Variants in REDIC1 observed in about 807,000 individuals in gnomAD.
The protein encoded by REDIC1 is HEI10 Interacting Protein 1.
chr12:39,667,107 A>G, the REDIC1 span, among the ~76,000 whole-genome samples: 1 of 152,090 alleles, frequency 6.6e-6, no homozygotes, highest in Non-Finnish European at 1.5e-5. Flanking sequence ...GCCTTCTGCT[A>G]GCTTTTGAAT....
the REDIC1 span, among the ~76,000 whole-genome samples, chr12:39,722,833 T>A: frequency 2.0e-5 from 3 of 152,170 alleles, no homozygotes; most frequent in Admixed American, 1.3e-4. Context: ...TACTCTTGGC[T>A]TCTGGGAGGT....
At chr12:39,701,113 AATGCTCC>A in the REDIC1 span, among the ~76,000 whole-genome samples, 1 of 13,756 alleles carries the variant, frequency 7.3e-5, no homozygotes. Flanking sequence ...AAATGGACTA[AATGCTCC>A]AATTAAAAGA....
At chr12:39,647,745 G>T in the REDIC1 span, 3 of 1,277,174 alleles carry the variant, frequency 2.3e-6, no homozygotes, top group South Asian at 1.8e-5. Flanking sequence ...CTCTTCTCTA[G>T]TTTATATATT....
At chr12:39,849,567 A>G in the REDIC1 span, among the ~76,000 whole-genome samples, 2 of 152,276 alleles carry the variant, frequency 1.3e-5, no homozygotes, top group South Asian at 4.1e-4. Context: ...CTGAGGTGGT[A>G]AATTGTTCCT....
chr12:39,643,651 T>G, the REDIC1 span: 1 of 694,440 alleles, frequency 1.4e-6, no homozygotes, highest in Non-Finnish European at 2.3e-6. Flanking sequence ...TTTATAAACA[T>G]ATAAAGATGT....
the REDIC1 span, among the ~76,000 whole-genome samples, chr12:39,671,016 CT>C: frequency 6.6e-6 from 1 of 151,912 alleles, no homozygotes; most frequent in Non-Finnish European, 1.5e-5. Context: ...ATTTCGAATT[CT>C]TTTTCAGGTA....
the REDIC1 span, among the ~76,000 whole-genome samples, chr12:39,846,841 C>A: frequency 6.6e-6 from 1 of 151,736 alleles, no homozygotes; most frequent in Non-Finnish European, 1.5e-5. Context: ...AAAAGAGAAT[C>A]CATGCAAAGC....
At chr12:39,653,573 T>TCTTCTTCTTCTTCTTCTTC in the REDIC1 span, among the ~76,000 whole-genome samples, 1 of 63,524 alleles carries the variant, frequency 1.6e-5, no homozygotes. Context: ...TCTTCTTCTT[T>TCTTCTTCTTCTTCTTCTTC]TTCTTCCTCT....
chr12:39,854,233 TA>T, the REDIC1 span, among the ~76,000 whole-genome samples: 1 of 152,136 alleles, frequency 6.6e-6, no homozygotes, highest in African/African-American at 2.4e-5. Context: ...TTCTTATCTG[TA>T]AAATTGGATA....
chr12:39,712,508 T>G, the REDIC1 span, among the ~76,000 whole-genome samples: 78 of 143,120 alleles, frequency 5.4e-4, no homozygotes, highest in Non-Finnish European at 9.1e-4. Flanking sequence ...TATATACGTA[T>G]GTACGTATAT....
At chr12:39,668,805 G>T in the REDIC1 span, among the ~76,000 whole-genome samples, 2 of 151,148 alleles carry the variant, frequency 1.3e-5, no homozygotes, top group African/African-American at 2.4e-5. Context: ...TCATTCGTTT[G>T]ATCTTCCATC....
the REDIC1 span, among the ~76,000 whole-genome samples, chr12:39,794,674 G>T: frequency 2.0e-5 from 3 of 152,108 alleles, no homozygotes; most frequent in African/African-American, 7.2e-5. Flanking sequence ...TCCTTTTTCT[G>T]TCCACAAATG....
chr12:39,896,285 TG>T, the REDIC1 span, among the ~76,000 whole-genome samples: 1 of 125,826 alleles, frequency 7.9e-6, no homozygotes, highest in African/African-American at 2.9e-5. Flanking sequence ...TATACATGTA[TG>T]TATATGTGTG....
At chr12:39,743,878 G>A in the REDIC1 span, among the ~76,000 whole-genome samples, 2 of 152,120 alleles carry the variant, frequency 1.3e-5, no homozygotes, top group African/African-American at 4.8e-5. Context: ...CACATAATGG[G>A]AGCACCAGAA....
the REDIC1 span, among the ~76,000 whole-genome samples, chr12:39,643,060 A>G: frequency 4.0e-5 from 6 of 151,752 alleles, no homozygotes; most frequent in Non-Finnish European, 7.4e-5. Context: ...GCATTATATT[A>G]TGAGTTATTT....
the REDIC1 span, among the ~76,000 whole-genome samples, chr12:39,904,861 T>C: frequency 6.6e-6 from 1 of 152,162 alleles, no homozygotes; most frequent in Non-Finnish European, 1.5e-5. Flanking sequence ...TGCCCCTGGA[T>C]GAACAGGTCT....
chr12:39,792,522 C>G, the REDIC1 span, among the ~76,000 whole-genome samples: 2 of 152,112 alleles, frequency 1.3e-5, no homozygotes, highest in African/African-American at 4.8e-5. Context: ...AAACATGTGA[C>G]TTGTGACTAC....
the REDIC1 span, among the ~76,000 whole-genome samples, chr12:39,818,748 A>G: frequency 1.3e-5 from 2 of 152,222 alleles, no homozygotes; most frequent in African/African-American, 4.8e-5. Context: ...TAGGCAGAAT[A>G]AATGTAGATG....
At chr12:39,768,817 A>C in the REDIC1 span, among the ~76,000 whole-genome samples, 2 of 152,122 alleles carry the variant, frequency 1.3e-5, no homozygotes, top group East Asian at 3.9e-4. Flanking sequence ...CTAAATGAGC[A>C]CATACTATTG....
Sources: allele counts gnomAD v4.1 joint callset (sites outside exome capture counted in the v4.1 genomes callset), GRCh38; gene constraint gnomAD v4.1.1; transcripts MANE v1.5; gene names NCBI Gene and HGNC (gene_info 2026-07-23, HGNC 2026-07-21).